Variants in ERBB4 observed in about 807,000 individuals in gnomAD.
The protein encoded by ERBB4 is receptor tyrosine-protein kinase erbB-4.
ERBB4 carries 42 observed loss-of-function variants against 158.0 expected under a neutral mutation model. That is an observed-to-expected ratio of 0.27 (90% CI 0.21 to 0.34). The LOEUF (loss-of-function observed/expected upper bound fraction) is 0.34. Among genes scored for constraint, ERBB4 ranks in the 10% least tolerant of loss-of-function variants. ERBB4 has a pLI of 1.00. For synonymous variants in ERBB4, 583 were observed against 558.7 expected (o/e 1.04, Z -0.61); for missense variants, 1,333 against 1,624.1 (o/e 0.82, Z 3.08).
intron 1 of ERBB4, among the ~76,000 whole-genome samples, chr2:212,435,469 A>G (rs1443810073): frequency 6.6e-6 from 1 of 151,950 alleles, no homozygotes; most frequent in Non-Finnish European, 1.5e-5. Context: ...TTATCACATA[A>G]TATTGCCTTT....
At chr2:212,149,183 A>C (rs55745539) in intron 1 of ERBB4, among the ~76,000 whole-genome samples, 2 of 151,546 alleles carry the variant, frequency 1.3e-5, no homozygotes, top group African/African-American at 2.4e-5. Context: ...AAAAAATTTT[A>C]AAAAATTTGA....
rs1256365572 is a variant in ERBB4 at position 212,364,233 on chromosome 2, G to A, written c.82+174216C>T. On this transcript the variant is annotated intron_variant, in intron 1 of 27. Transcript: ENST00000342788. The stretch of plus-strand genomic sequence containing the variant: ...AGGAAAGGGAGATGGGAGAATACCC[G>A]GGAAGTGATTCAGAGCATGTATTGC... Among the ~76,000 whole-genome samples the A allele has an allele frequency of 3.3e-5, 5 of 151,746 alleles. No homozygotes were observed. In the East Asian group the frequency reaches 5.8e-4, roughly 18 times the overall value.
At chr2:211,772,908 T>TACACACACACACACAC (rs200843814) in intron 4 of ERBB4, among the ~76,000 whole-genome samples, 2 of 61,298 alleles carry the variant, frequency 3.3e-5, no homozygotes, top group African/African-American at 1.5e-4. Flanking sequence ...CATATATATA[T>TACACACACACACACAC]ACACACACAC....
intron 16 of ERBB4, among the ~76,000 whole-genome samples, chr2:211,641,465 T>C (rs1325182387): frequency 6.6e-6 from 1 of 152,144 alleles, no homozygotes; most frequent in African/African-American, 2.4e-5. Context: ...GCTATTTGCC[T>C]TGGGTAACAC....
chr2:211,612,893 G>T (rs181445781), intron 19 of ERBB4, among the ~76,000 whole-genome samples: 62 of 152,148 alleles, frequency 4.1e-4, no homozygotes, highest in Non-Finnish European at 7.1e-4. Context: ...TTGGAGGTTG[G>T]TTGTTTGTGG....
intron 12 of ERBB4, among the ~76,000 whole-genome samples, chr2:211,679,805 G>A (rs1248953143): frequency 6.6e-6 from 1 of 152,014 alleles, no homozygotes; most frequent in Non-Finnish European, 1.5e-5. Context: ...TCAGCCTCCT[G>A]AGTAGCTGGG....
chr2:212,193,111 T>C (rs1343051387), intron 1 of ERBB4, among the ~76,000 whole-genome samples: 2 of 152,146 alleles, frequency 1.3e-5, no homozygotes, highest in East Asian at 3.8e-4. Flanking sequence ...AAGACCCACA[T>C]GTTTTTACCT....
chr2:211,725,017 G>A, intron 6 of ERBB4, 59 bp downstream of exon 6: 1 of 1,245,628 alleles, frequency 8.0e-7, no homozygotes, highest in South Asian at 1.2e-5. Flanking sequence ...CAGTATGCCT[G>A]AATCAAATAG....
chr2:211,431,148 T>C, intron 20 of ERBB4, 48 bp from the exon 21 acceptor site: 25 of 1,578,516 alleles, frequency 1.6e-5, no homozygotes, highest in Non-Finnish European at 2.2e-5. Context: ...TGCCCAGGTT[T>C]TCCCATTTTT....
At chr2:212,203,576 T>C (rs1417789783) in intron 1 of ERBB4, among the ~76,000 whole-genome samples, 1 of 152,198 alleles carries the variant, frequency 6.6e-6, no homozygotes, top group African/African-American at 2.4e-5. Context: ...TTTTAATGAA[T>C]CATTCTATAC....
At chr2:212,168,091 C>T (rs2081404767) in intron 1 of ERBB4, among the ~76,000 whole-genome samples, 1 of 151,406 alleles carries the variant, frequency 6.6e-6, no homozygotes, top group Non-Finnish European at 1.5e-5. Flanking sequence ...AAACTTGTCT[C>T]ATTTCCCTTT....
intron 1 of ERBB4, among the ~76,000 whole-genome samples, chr2:212,422,033 A>C (rs567593645): frequency 6.6e-6 from 1 of 152,312 alleles, no homozygotes; most frequent in South Asian, 2.1e-4. Flanking sequence ...GTCATAAGGG[A>C]AACATGCAGT....
At chr2:212,165,363 A>C (rs527731959) in intron 1 of ERBB4, among the ~76,000 whole-genome samples, 36 of 151,994 alleles carry the variant, frequency 2.4e-4, no homozygotes, top group Admixed American at 5.3e-4. Context: ...ATTCTACATC[A>C]GAGGCAAATG....
chr2:211,897,123 A>C (rs527946214), intron 3 of ERBB4, among the ~76,000 whole-genome samples: 1 of 151,116 alleles, frequency 6.6e-6, no homozygotes, highest in East Asian at 1.9e-4. Context: ...TATATTATGA[A>C]AAATATAAGA....
chr2:211,885,504 G>A (rs1372822602), intron 3 of ERBB4, among the ~76,000 whole-genome samples: 1 of 151,944 alleles, frequency 6.6e-6, no homozygotes, highest in African/African-American at 2.4e-5. Flanking sequence ...CACCCAGGCT[G>A]GAGTATACTG....
At chr2:211,820,040 C>T (rs567141973) in intron 3 of ERBB4, among the ~76,000 whole-genome samples, 5 of 151,884 alleles carry the variant, frequency 3.3e-5, no homozygotes, top group African/African-American at 9.6e-5. Flanking sequence ...GTTTAAGGTG[C>T]TTGTGGGAAA....
At chr2:211,489,146 G>A (rs1284608826) in intron 20 of ERBB4, among the ~76,000 whole-genome samples, 2 of 152,046 alleles carry the variant, frequency 1.3e-5, no homozygotes, top group Non-Finnish European at 2.9e-5. Flanking sequence ...AGCTTTAGCT[G>A]AAAACAGAAT....
At chr2:212,505,982 T>G (rs949882299) in intron 1 of ERBB4, among the ~76,000 whole-genome samples, 1 of 148,896 alleles carries the variant, frequency 6.7e-6, no homozygotes, top group Non-Finnish European at 1.5e-5. Flanking sequence ...TTAGAGCTTG[T>G]GGCAACCCCG....
At chr2:212,335,952 T>G (rs566293533) in intron 1 of ERBB4, among the ~76,000 whole-genome samples, 5 of 152,024 alleles carry the variant, frequency 3.3e-5, no homozygotes, top group Non-Finnish European at 7.4e-5. Flanking sequence ...CTCACAGTCT[T>G]TATTGTACAA....
Sources: allele counts gnomAD v4.1 joint callset (sites outside exome capture counted in the v4.1 genomes callset), GRCh38; gene constraint gnomAD v4.1.1; transcripts MANE v1.5; gene names NCBI Gene and HGNC (gene_info 2026-07-23, HGNC 2026-07-21).